Variants in DGKA observed in about 807,000 individuals in gnomAD.
DGKA encodes 80 kDa diacylglycerol kinase.
A neutral mutation model predicts 105.0 loss-of-function variants in DGKA; 35 were observed. The observed-to-expected ratio is 0.33, with a 90% CI of 0.25 to 0.44. The LOEUF is 0.44. DGKA is among the 20% of genes least tolerant of loss of function. The pLI is 1.00. For missense variants in DGKA, 665 were observed against 915.0 expected, an observed-to-expected ratio of 0.73 and a Z score of 3.53; for synonymous variants, 296 against 332.0, an observed-to-expected ratio of 0.89 and a Z score of 1.18.
chr12:55,941,530 A>G lies in DGKA; in HGVS notation c.1196A>G (p.Tyr399Cys). The G allele has an allele frequency of 6.2e-7, 1 of 1,614,136 alleles. No homozygotes were observed. The highest frequency in any genetic ancestry group is 8.5e-7 in the Non-Finnish European group (1 of 1,180,014). ...CACAGGGTGCTCTGGAAGTTCCAGT[A>G]TATATTAAACCCTCGACAGGTGTTC... ...QGQRVLWKFQ[Y>C]ILNPRQVFNL... is the part of the protein sequence containing the mutation. The change falls in exon 15 of 24, where the codon TAT (tyrosine) becomes TGT (cysteine). Residue 399 changes from tyrosine (Y) to cysteine (C), a missense_variant. Transcript: ENST00000331886.
chr12:55,936,463 A>G lies in DGKA; in HGVS notation c.-41A>G, dbSNP rs1447544910. On this transcript the variant is annotated 5_prime_UTR_variant, in exon 2 of 24. Coordinates refer to ENST00000331886, the MANE Select transcript of DGKA (RefSeq NM_001345.5). ...AGGTCCAAGCAACGGAAGTACTACT[A>G]CGAAGCTGCCTTTCTGGCCATCCTT... The G allele has an allele frequency of 6.2e-6, 10 of 1,608,560 alleles. No individual in the cohort carries two copies. The highest frequency in any genetic ancestry group is 8.5e-6 in the Non-Finnish European group (10 of 1,176,366).
At chr12:55,939,125 G>A in intron 7 of DGKA, 61 bp from the exon 8 acceptor site, 1 of 1,606,194 alleles carries the variant, frequency 6.2e-7, no homozygotes, top group Non-Finnish European at 8.5e-7. Context: ...AAGAGGCAGT[G>A]GAGAGGTGTT....
Position 55,937,493 on chromosome 12 carries a change from T to G in DGKA, c.224T>G (p.Phe75Cys). 6.2e-7 allele frequency: 1 copy of G among 1,614,186 alleles called. No homozygotes were observed. The highest frequency in any genetic ancestry group is 8.5e-7 in the Non-Finnish European group (1 of 1,180,038). ...CCCAGACACCTAAGCCTGGCACTGT[T>G]TCAATCCTTTGAGACTGGTCACTGC... ...NVPRHLSLAL[F>C]QSFETGHCLN... Residue 75 changes from phenylalanine (F) to cysteine (C), a missense_variant, in exon 4 of 24, where the codon TTT (phenylalanine) becomes TGT (cysteine). Coordinates refer to ENST00000331886, the MANE Select transcript of DGKA (RefSeq NM_001345.5).
In DGKA at chr12:55,952,547, C is replaced by T; in HGVS notation, c.1743+116C>T. The T allele has an allele frequency of 8.2e-7, 1 of 1,225,292 alleles. No homozygotes were observed. Among genetic ancestry groups the T allele is most frequent in the Non-Finnish European group, 1.2e-6 (1 of 840,602 alleles). The allele number at this position is 1,225,292 out of a possible 1,614,324, so 75.9% of individuals were successfully genotyped here. A position where few individuals can be genotyped will look rare whatever the true frequency, so the allele number is the denominator to read the frequency against. Reference sequence around the variant, plus strand: ...TCTTGAACCTATGCTTCTTTAACCTCCCAGCTCTCCTACCCCAATTCTCCA... The same window carrying T: ...TCTTGAACCTATGCTTCTTTAACCTTCCAGCTCTCCTACCCCAATTCTCCA... On this transcript the variant is annotated intron_variant, in intron 20 of 23. Coordinates refer to ENST00000331886, the MANE Select transcript of DGKA (RefSeq NM_001345.5). The surrounding 1 kb of genome is among the most constrained non-coding windows in gnomAD (Gnocchi z 5.1).
intron 17 of DGKA, among the ~76,000 whole-genome samples, chr12:55,943,587 T>G (rs1433330824): frequency 6.6e-6 from 1 of 152,094 alleles, no homozygotes; most frequent in Non-Finnish European, 1.5e-5. Context: ...ACTTTACCAT[T>G]CAAGCCACTC....
chr12:55,954,006 C>T lies in DGKA; in HGVS notation c.*238C>T. On this transcript the variant is annotated 3_prime_UTR_variant, in exon 24 of 24. Transcript: ENST00000331886. Reference sequence around the variant, plus strand: ...ATCTGAATAAAATGACTTGTGTTTCCCCTTTGGGATCTGCTAAGTAAGTGG... The same window carrying T: ...ATCTGAATAAAATGACTTGTGTTTCTCCTTTGGGATCTGCTAAGTAAGTGG... The T allele has an allele frequency of 3.1e-6, 2 of 646,192 alleles. No individual in the cohort carries two copies. Among genetic ancestry groups the T allele is most frequent in the Non-Finnish European group, 2.6e-6 (1 of 383,456 alleles). 40.0% of individuals were successfully genotyped at this position (646,192 alleles called of 1,614,324 possible).
At chr12:55,939,974 A>G in intron 9 of DGKA, 108 bp from the exon 10 acceptor site, 1 of 1,017,108 alleles carries the variant, frequency 9.8e-7, no homozygotes, top group Non-Finnish European at 1.5e-6. Context: ...TTATTCTGCT[A>G]CACCCTCAAG....
chr12:55,951,827 A>C (rs1414877065), intron 18 of DGKA, 44 bp downstream of exon 18: 2 of 1,601,502 alleles, frequency 1.2e-6, no homozygotes, highest in Non-Finnish European at 1.7e-6. Flanking sequence ...AGGGGGGGCC[A>C]AGCAGTCAGA....
chr12:55,946,174 T>G (rs1042305319), intron 17 of DGKA, among the ~76,000 whole-genome samples: 1 of 151,148 alleles, frequency 6.6e-6, no homozygotes, highest in Non-Finnish European at 1.5e-5. Flanking sequence ...TCTTCTTCTT[T>G]TTTTTTTGTT....
chr12:55,937,101 G>C lies in DGKA; in HGVS notation c.138+11G>C, dbSNP rs1230445110. 5 of 1,613,944 alleles carry C rather than the reference G, an allele frequency of 3.1e-6. No homozygotes were observed. In the South Asian group the frequency reaches 5.5e-5, roughly 18 times the overall value. On this transcript the variant is annotated intron_variant, in intron 3 of 23. Transcript: ENST00000331886. Reference sequence around the variant, plus strand: ...TATGTCCAAGGAGATGTGAGTGGCAGCTGGGAAATCTTCTTCTTGATCAAC... The same window carrying C: ...TATGTCCAAGGAGATGTGAGTGGCACCTGGGAAATCTTCTTCTTGATCAAC...
rs1343911698 is a variant in DGKA at position 55,940,598 on chromosome 12, C to T, written c.919-26C>T. Reference sequence around the variant, plus strand: ...GAGGAGACAGGGTTACCTTCGTGATCTCTCTGTGCCCACCTCGTCTTTCAG... The same window carrying T: ...GAGGAGACAGGGTTACCTTCGTGATTTCTCTGTGCCCACCTCGTCTTTCAG... On this transcript the variant is annotated intron_variant, in intron 11 of 23. Coordinates refer to ENST00000331886, the MANE Select transcript of DGKA (RefSeq NM_001345.5). This position sits in a 1 kb window ranked among gnomAD's most constrained non-coding sequence, Gnocchi z 4.3. The T allele has an allele frequency of 1.3e-6, 2 of 1,560,660 alleles. No individual in the cohort carries two copies.
In DGKA at chr12:55,932,278, G is replaced by A; in HGVS notation, c.-82+934G>A. On this transcript the variant is annotated intron_variant, in intron 1 of 23. Transcript: ENST00000331886. The surrounding 1 kb of genome is among the most constrained non-coding windows in gnomAD (Gnocchi z 4.3). ...CGGGTATCGAGAAGGGTCTGCGCTG[G>A]GACGCGGGGGTGCAGCGGGAGGGCT... 1.9e-6 allele frequency: 1 copy of A among 517,436 alleles called. No homozygotes were observed. Among genetic ancestry groups the A allele is most frequent in the Non-Finnish European group, 3.5e-6 (1 of 284,836 alleles). The allele number at this position is 517,436 out of a possible 1,614,324, so 32.1% of individuals were successfully genotyped here. A position where few individuals can be genotyped will look rare whatever the true frequency, so the allele number is the denominator to read the frequency against.
rs1335235495 is a variant in DGKA, at chr12:55,946,097, C to G, written c.1426+3834C>G. Among the ~76,000 whole-genome samples the G allele has an allele frequency of 2.6e-5, 4 of 151,868 alleles. No individual in the cohort carries two copies. In the East Asian group the frequency reaches 7.8e-4, roughly 30 times the overall value. On this transcript the variant is annotated intron_variant, in intron 17 of 23. Coordinates refer to ENST00000331886, the MANE Select transcript of DGKA (RefSeq NM_001345.5). ...GCTACCATGCCTGGCCCAGAATCCT[C>G]AATTTAAATGTATCTGCAAAGTCTC...
Position 55,940,323 on chromosome 12 carries a change from CAT to C in DGKA, c.809_810del (p.His270ArgfsTer8), listed in dbSNP as rs1462659566. The C allele has an allele frequency of 6.2e-7, 1 of 1,614,258 alleles. No homozygotes were observed. Among genetic ancestry groups the C allele is most frequent in the Admixed American group, 1.7e-5 (1 of 60,028 alleles). ...KSRKDIGVQS[H>X]VWVRGGCESG... is the part of the protein sequence containing the mutation. ...TGCCTTTCTCCCCAAGGTCCAATCA[CAT>C]GTGTGGGTGCGAGGAGGCTGTGAGT... On this transcript the variant is annotated frameshift_variant, in exon 11 of 24. Transcript: ENST00000331886. LOFTEE classifies it high-confidence loss of function. This position sits in a 1 kb window ranked among gnomAD's most constrained non-coding sequence, Gnocchi z 4.3.
rs148697145 is a variant in DGKA at position 55,941,491 on chromosome 12, T to C, written c.1176-19T>C. On this transcript the variant is annotated intron_variant, in intron 14 of 23. Transcript: ENST00000331886. ...CAACCCCCGCGCCTGCCATGAACTTTTCTTTTTCCCACACACAGGGTGCTC... is the reference window on the plus strand; with the variant it reads ...CAACCCCCGCGCCTGCCATGAACTTCTCTTTTTCCCACACACAGGGTGCTC... 1.8e-3 allele frequency: 2,980 copies of C among 1,614,050 alleles called. 48 individuals carry two copies. In the East Asian group the frequency reaches 0.039, roughly 21 times the overall value.
At chr12:55,939,812 CTGTTAG>C (rs1885521643) in intron 9 of DGKA, 1 of 586,214 alleles carries the variant, frequency 1.7e-6, no homozygotes, top group Non-Finnish European at 3.0e-6. Context: ...ATTACTGTTG[CTGTTAG>C]ACCTGGGCCT....
At chr12:55,939,956 C>T (rs1440560195) in intron 9 of DGKA, 126 bp from the exon 10 acceptor site, 5 of 864,356 alleles carry the variant, frequency 5.8e-6, no homozygotes, top group Admixed American at 2.0e-5. Context: ...GCACTTCACC[C>T]CGAACTTTTA....
rs755571414 is a variant in DGKA at position 55,932,677 on chromosome 12, C to T, written c.-82+1333C>T. 1.9e-5 allele frequency: 13 copies of T among 684,548 alleles called. No homozygotes were observed. Among genetic ancestry groups the T allele is most frequent in the Non-Finnish European group, 2.9e-5 (11 of 375,400 alleles). 42.4% of individuals were successfully genotyped at this position (684,548 alleles called of 1,614,324 possible). A position where few individuals can be genotyped will look rare whatever the true frequency, so the allele number is the denominator to read the frequency against. On this transcript the variant is annotated intron_variant, in intron 1 of 23. Transcript: ENST00000331886. This position sits in a 1 kb window ranked among gnomAD's most constrained non-coding sequence, Gnocchi z 4.3. ...AGTATCGTAACTTCCTCCTATACTACGCAATGACACCCTCTACACACACAC... is the reference window on the plus strand; with the variant it reads ...AGTATCGTAACTTCCTCCTATACTATGCAATGACACCCTCTACACACACAC...
chr12:55,946,618 A>C (rs1266391171), intron 17 of DGKA, among the ~76,000 whole-genome samples: 13 of 152,174 alleles, frequency 8.5e-5, no homozygotes. Flanking sequence ...CGGCCTCCTA[A>C]AGTGCTGGGA....
Sources: allele counts gnomAD v4.1 joint callset (sites outside exome capture counted in the v4.1 genomes callset), GRCh38; gene constraint gnomAD v4.1.1; non-coding constraint Gnocchi (gnomAD v3.1); transcripts MANE v1.5; gene names NCBI Gene and HGNC (gene_info 2026-07-23, HGNC 2026-07-21).